APPL2: variants seen among roughly 807,000 people sequenced by gnomAD.
The protein encoded by APPL2 is DCC-interacting protein 13-beta.
In APPL2, 84 loss-of-function variants were observed where a neutral mutation model predicts 92.7. The observed-to-expected ratio is 0.91, with a 90% CI of 0.76 to 1.09. The LOEUF is 1.09. Ranked by LOEUF, APPL2 falls within the 50% of genes least tolerant of loss-of-function variation. APPL2 has a pLI of 0.00. For synonymous variants in APPL2, 291 were observed against 291.0 expected (o/e 1.00, Z 0.00); for missense variants, 736 against 824.5 (o/e 0.89, Z 1.31).
In APPL2 at chr12:105,176,946, C is replaced by G. The variant is rs756017295; in HGVS notation, c.1742G>C (p.Arg581Pro). The G allele has an allele frequency of 6.2e-7, 1 of 1,614,042 alleles. No homozygotes were observed. Among genetic ancestry groups the G allele is most frequent in the East Asian group, 2.2e-5 (1 of 44,856 alleles). The change falls in exon 19 of 21, where the codon CGT becomes CCT. Residue 581 changes from arginine (R) to proline (P), a missense_variant. By Grantham distance (103) the Arg-to-Pro change is moderately radical. Coordinates refer to ENST00000258530, the MANE Select transcript of APPL2 (RefSeq NM_018171.5). ...ENKRLVGFVI[R>P]VPESTGEESL... Reference sequence around the variant, plus strand: ...TTCTTCTCCAGTGGATTCAGGAACACGGATGACAAAACCAACCAGTCTCTT... The same window carrying G: ...TTCTTCTCCAGTGGATTCAGGAACAGGGATGACAAAACCAACCAGTCTCTT...
Position 105,176,963 on chromosome 12 carries a change from C to T in APPL2, c.1725G>A (p.Leu575=), listed in dbSNP as rs370254990. 2.2e-5 allele frequency: 36 copies of T among 1,614,088 alleles called. No individual in the cohort carries two copies. Among genetic ancestry groups the T allele is most frequent in the Non-Finnish European group, 2.8e-5 (33 of 1,180,016 alleles). Residue 575 remains leucine, a synonymous_variant, in exon 19 of 21, where the codon CTG becomes CTA. Coordinates refer to ENST00000258530, the MANE Select transcript of APPL2 (RefSeq NM_018171.5). Reference sequence around the variant, plus strand: ...CAGGAACACGGATGACAAAACCAACCAGTCTCTTGTTTTCTTGATGAGCAG... The same window carrying T: ...CAGGAACACGGATGACAAAACCAACTAGTCTCTTGTTTTCTTGATGAGCAG... ...QFAAHQENKR[L]VGFVIRVPES... is the part of the protein sequence containing the mutation.
chr12:105,203,150 G>A (rs1888372347), intron 9 of APPL2, among the ~76,000 whole-genome samples: 1 of 152,224 alleles, frequency 6.6e-6, no homozygotes, highest in South Asian at 2.1e-4. Context: ...GAGGCTGCAG[G>A]GGCCGGGGCC....
At chr12:105,183,070 C>CTTTTTTTTTTT (rs56345779) in intron 17 of APPL2, among the ~76,000 whole-genome samples, 5 of 88,398 alleles carry the variant, frequency 5.7e-5, no homozygotes, top group African/African-American at 9.1e-5. Context: ...GCAACCCCTG[C>CTTTTTTTTTTT]TTTTTTTTTT....
chr12:105,203,372 G>T, intron 9 of APPL2: 1 of 283,476 alleles, frequency 3.5e-6, no homozygotes, highest in Non-Finnish European at 6.5e-6. Flanking sequence ...CCTGAAAAGT[G>T]ACAGCACTTC....
intron 17 of APPL2, among the ~76,000 whole-genome samples, chr12:105,187,888 C>T (rs536521211): frequency 6.6e-6 from 1 of 151,886 alleles, no homozygotes; most frequent in South Asian, 2.1e-4. Flanking sequence ...ATATGGCCTG[C>T]TCTCTCTGTG....
At chr12:105,211,871 A>G (rs1319112167) in intron 4 of APPL2, among the ~76,000 whole-genome samples, 1 of 152,214 alleles carries the variant, frequency 6.6e-6, no homozygotes, top group Non-Finnish European at 1.5e-5. Flanking sequence ...CTGTAATCCC[A>G]GCACTTTGGG....
chr12:105,222,640 T>C (rs1200928741), intron 2 of APPL2, among the ~76,000 whole-genome samples: 2 of 152,160 alleles, frequency 1.3e-5, no homozygotes, highest in African/African-American at 4.8e-5. Context: ...ATTCAACACC[T>C]ATGGGGCCAG....
At chr12:105,199,339 T>C in intron 10 of APPL2, 34 bp downstream of exon 10, 1 of 1,595,268 alleles carries the variant, frequency 6.3e-7, no homozygotes, top group South Asian at 1.1e-5. Context: ...GGAAAACGGA[T>C]TTCAGAAAAA....
At chr12:105,216,467 T>C (rs966643102) in intron 4 of APPL2, among the ~76,000 whole-genome samples, 1 of 151,834 alleles carries the variant, frequency 6.6e-6, no homozygotes, top group South Asian at 2.1e-4. Flanking sequence ...AAAAGAGTCT[T>C]TGCAGATGTA....
chr12:105,203,549 G>T, intron 9 of APPL2, 154 bp downstream of exon 9: 1 of 660,868 alleles, frequency 1.5e-6, no homozygotes, highest in Non-Finnish European at 2.7e-6. Flanking sequence ...AATATTGGCA[G>T]CTAAGGCAAG....
intron 17 of APPL2, among the ~76,000 whole-genome samples, chr12:105,184,086 G>A (rs1324063346): frequency 1.3e-5 from 2 of 152,018 alleles, no homozygotes; most frequent in African/African-American, 4.8e-5. Context: ...CGAAGTTCTC[G>A]TGCTGTGTTT....
intron 4 of APPL2, among the ~76,000 whole-genome samples, chr12:105,214,524 G>C (rs759294784): frequency 6.6e-6 from 1 of 152,240 alleles, no homozygotes; most frequent in Non-Finnish European, 1.5e-5. Flanking sequence ...ATCTGAGAGA[G>C]AGCCACGCAG....
rs1566090114 is a variant in APPL2 at position 105,217,083 on chromosome 12, T to C, written c.271A>G (p.Lys91Glu). The C allele has an allele frequency of 3.1e-6, 5 of 1,609,326 alleles. No homozygotes were observed. The highest frequency in any genetic ancestry group is 2.2e-5 in the East Asian group (1 of 44,818). Residue 91 changes from lysine (K) to glutamate (E), a missense_variant, in exon 4 of 21, where the codon AAA (lysine) becomes GAA (glutamate). Lys to Glu is a moderately conservative substitution (Grantham distance 56). Coordinates refer to ENST00000258530, the MANE Select transcript of APPL2 (RefSeq NM_018171.5). The part of the protein sequence containing the change: ...EVISTLHYFS[K>E]VVDELNLLHT... ...TGCTATCTTACCTCATCCACCACTT[T>C]GGAAAAATAGTGGAGTGTTGAAATT...
rs978540503 is a variant in APPL2, at chr12:105,203,099, C to T, written c.704+604G>A. ...TCTGTACTCCAGAACTCGTCGCAAGCGCTTGGGAAGCCCATGCTGTGCTCC... is the reference window on the plus strand; with the variant it reads ...TCTGTACTCCAGAACTCGTCGCAAGTGCTTGGGAAGCCCATGCTGTGCTCC... On this transcript the variant is annotated intron_variant, in intron 9 of 20. Coordinates refer to ENST00000258530, the MANE Select transcript of APPL2 (RefSeq NM_018171.5). Among the ~76,000 whole-genome samples, 5 of 151,622 alleles carry T rather than the reference C, an allele frequency of 3.3e-5. No individual in the cohort carries two copies. The East Asian group carries it at 7.8e-4, about 24-fold the overall frequency.
chr12:105,189,830 G>A lies in APPL2; in HGVS notation c.1407-6C>T, dbSNP rs778857113. On this transcript the variant is annotated splice_polypyrimidine_tract_variant and splice_region_variant and intron_variant, in intron 15 of 20. Coordinates refer to ENST00000258530, the MANE Select transcript of APPL2 (RefSeq NM_018171.5). ...CACCAAAAGGGTTGGTACGCCTAGG[G>A]GAATAGCCAGAGTTGAACAAACACG... 2 of 1,614,160 alleles carry A rather than the reference G, an allele frequency of 1.2e-6. No homozygotes were observed. The highest frequency in any genetic ancestry group is 1.7e-6 in the Non-Finnish European group (2 of 1,180,038).
intron 8 of APPL2, among the ~76,000 whole-genome samples, chr12:105,206,173 T>G (rs995574515): frequency 1.3e-5 from 2 of 152,250 alleles, no homozygotes; most frequent in African/African-American, 4.8e-5. Context: ...TTTTGTTGAA[T>G]GACACTGACG....
intron 4 of APPL2, among the ~76,000 whole-genome samples, chr12:105,216,427 T>G (rs775080081): frequency 1.3e-5 from 2 of 152,098 alleles, no homozygotes; most frequent in African/African-American, 4.8e-5. Flanking sequence ...CTAAAAGATA[T>G]GACCACCCAG....
At chr12:105,177,185 T>G in intron 18 of APPL2, 41 bp downstream of exon 18, 1 of 1,609,358 alleles carries the variant, frequency 6.2e-7, no homozygotes, top group Non-Finnish European at 8.5e-7. Flanking sequence ...AAAGGTGAAT[T>G]AAGGAGTAAT....
At chr12:105,192,871 A>G (rs11112403) in intron 14 of APPL2, among the ~76,000 whole-genome samples, 19,357 of 152,266 alleles carry the variant, frequency 0.13, 1,351 homozygotes, top group East Asian at 0.25. Flanking sequence ...CAGCAGATAT[A>G]TAGTAACTGC....
Sources: gnomAD v4.1 joint callset for allele counts (sites outside exome capture counted in the v4.1 genomes callset) on GRCh38, gnomAD v4.1.1 for gene constraint, MANE v1.5 for transcripts, NCBI Gene and HGNC (gene_info 2026-07-23, HGNC 2026-07-21) for gene names.